The following TPRG1 variants were observed in gnomAD, a reference collection of about 807,000 sequenced individuals.
TPRG1 encodes the protein tumor protein p63 regulated 1.
A neutral mutation model predicts 29.3 loss-of-function variants in TPRG1; 29 were observed. That is an observed-to-expected ratio of 0.99 (90% CI 0.74 to 1.35). The LOEUF is 1.35. TPRG1 is among the 40% of genes most tolerant of loss of function. The probability of loss-of-function intolerance (pLI) is 0.00; values close to 1 mark genes in which losing one functional copy is unlikely to be tolerated. For synonymous variants in TPRG1, 130 were observed against 116.8 expected, an observed-to-expected ratio of 1.11 and a Z score of -0.73; for missense variants, 327 against 335.0, an observed-to-expected ratio of 0.98 and a Z score of 0.19.
intron 4 of TPRG1, among the ~76,000 whole-genome samples, chr3:189,078,043 C>CCTTCCTTCCTT (rs1717301982): frequency 6.7e-6 from 1 of 149,918 alleles, no homozygotes; most frequent in Non-Finnish European, 1.5e-5. Context: ...TTCCTTCCTT[C>CCTTCCTTCCTT]CTTCCTTCCT....
At chr3:189,127,670 T>A (rs544778799) in intron 2 of TPRG1, among the ~76,000 whole-genome samples, 19 of 152,302 alleles carry the variant, frequency 1.2e-4, no homozygotes, top group Non-Finnish European at 1.6e-4. Context: ...TATAGCAATG[T>A]GGAGATTCAG....
chr3:189,143,516 A>G (rs1266516347), intron 3 of TPRG1, among the ~76,000 whole-genome samples: 1 of 152,218 alleles, frequency 6.6e-6, no homozygotes, highest in Non-Finnish European at 1.5e-5. Flanking sequence ...TGGCTCTGTC[A>G]TACAAAAGCT....
chr3:189,285,649 C>T (rs1376783175), intron 4 of TPRG1, among the ~76,000 whole-genome samples: 2 of 152,186 alleles, frequency 1.3e-5, no homozygotes, highest in East Asian at 3.9e-4. Context: ...ATCAATATTA[C>T]AGACATTGTA....
chr3:189,159,233 A>T (rs1254692032), intron 5 of TPRG1, among the ~76,000 whole-genome samples: 1 of 152,186 alleles, frequency 6.6e-6, no homozygotes, highest in Non-Finnish European at 1.5e-5. Flanking sequence ...AAAAAAAGAC[A>T]GTTATTTTTT....
chr3:189,276,671 T>C (rs1375151320), intron 4 of TPRG1, among the ~76,000 whole-genome samples: 2 of 152,162 alleles, frequency 1.3e-5, no homozygotes, highest in Admixed American at 6.5e-5. Flanking sequence ...AATCATAAAG[T>C]GTAAAAACAA....
chr3:189,182,417 T>C (rs1219562347), intron 1 of TPRG1, among the ~76,000 whole-genome samples: 1 of 152,178 alleles, frequency 6.6e-6, no homozygotes, highest in Non-Finnish European at 1.5e-5. Flanking sequence ...AAAACAAATA[T>C]CTGACTAACA....
intron 3 of TPRG1, chr3:189,023,727 AC>A (rs1362287077): frequency 6.5e-6 from 1 of 152,728 alleles, no homozygotes; most frequent in African/African-American, 2.4e-5. Flanking sequence ...TTTTCTTTTA[AC>A]AGTCTGGCCA....
At chr3:189,274,735 C>T (rs1576925372) in intron 4 of TPRG1, among the ~76,000 whole-genome samples, 1 of 152,100 alleles carries the variant, frequency 6.6e-6, no homozygotes, top group African/African-American at 2.4e-5. Flanking sequence ...AGGCTTGTCC[C>T]TCAACTTGGA....
rs535044583 is a variant in TPRG1 at position 189,156,736 on chromosome 3, A to G, written c.-10+5864A>G. On this transcript the variant is annotated intron_variant, in intron 5 of 6. Coordinates refer to the TPRG1 transcript ENST00000412373. ...ACCCTCTTTGCAGCCTCTATCTATC[A>G]GTATTTCCTCGTTGTTCTTTGATGG... Among the ~76,000 whole-genome samples the G allele has an allele frequency of 4.6e-5, 7 of 152,304 alleles. No individual in the cohort carries two copies. The East Asian group carries it at 1.2e-3, about 25-fold the overall frequency.
chr3:189,248,012 G>C (rs1319063277), intron 4 of TPRG1, among the ~76,000 whole-genome samples: 1 of 151,332 alleles, frequency 6.6e-6, no homozygotes, highest in African/African-American at 2.4e-5. Flanking sequence ...TTCAATGTTA[G>C]ATAATTTTCT....
chr3:189,165,143 C>T (rs1382727391), intron 5 of TPRG1, among the ~76,000 whole-genome samples: 1 of 152,072 alleles, frequency 6.6e-6, no homozygotes, highest in African/African-American at 2.4e-5. Context: ...GGTAATGAAA[C>T]TTTGAGTTTA....
Position 189,082,690 on chromosome 3 carries a change from C to A in TPRG1, c.-462-44367C>A, listed in dbSNP as rs181136293. Among the ~76,000 whole-genome samples, 207 of 152,238 alleles carry A rather than the reference C, an allele frequency of 1.4e-3. 1 individual carries two copies. The highest frequency in any genetic ancestry group is 6.8e-3 in the Middle Eastern group (2 of 294). On this transcript the variant is annotated intron_variant, in intron 4 of 10. Coordinates refer to the TPRG1 transcript ENST00000433971. ...ATTCTGTTTCAAACTTTACAATTTACCTTGAATTTCTCGAGCTCAGAAGGT... is the reference window on the plus strand; with the variant it reads ...ATTCTGTTTCAAACTTTACAATTTAACTTGAATTTCTCGAGCTCAGAAGGT...
intron 2 of TPRG1, among the ~76,000 whole-genome samples, chr3:189,127,432 A>G (rs1228228884): frequency 6.6e-6 from 1 of 152,206 alleles, no homozygotes; most frequent in Non-Finnish European, 1.5e-5. Flanking sequence ...CTATTGACAC[A>G]AGTTAAAATT....
chr3:189,259,113 A>G (rs564066778), intron 4 of TPRG1, among the ~76,000 whole-genome samples: 9 of 152,240 alleles, frequency 5.9e-5, no homozygotes, highest in African/African-American at 1.7e-4. Context: ...CTTGAAACCC[A>G]GGGCTCTGGT....
At chr3:189,188,330 A>G (rs193023812) in intron 1 of TPRG1, among the ~76,000 whole-genome samples, 4 of 152,276 alleles carry the variant, frequency 2.6e-5, no homozygotes, top group Admixed American at 1.3e-4. Context: ...TATGACTTCT[A>G]GCCCATTTGG....
Position 189,206,808 on chromosome 3 carries a change from C to CGTGTGT in TPRG1, c.-9-552_-9-547dup, listed in dbSNP as rs142505576. On this transcript the variant is annotated intron_variant, in intron 1 of 5. Coordinates refer to ENST00000345063, the MANE Select transcript of TPRG1 (RefSeq NM_198485.4). ...GAGTCACCATGCCCAGCTGAACAAC[C>CGTGTGT]GTGTGTGTGTGTGTGTGTGTGCACG... is the stretch of plus-strand genomic sequence containing the variant. 3.7e-3 allele frequency among the ~76,000 whole-genome samples: 551 copies of CGTGTGT among 147,710 alleles called. 3 individuals carry two copies. The highest frequency in any genetic ancestry group is 0.01 in the Middle Eastern group (3 of 288).
At chr3:189,065,644 T>C (rs1716389963) in intron 4 of TPRG1, among the ~76,000 whole-genome samples, 1 of 152,142 alleles carries the variant, frequency 6.6e-6, no homozygotes, top group Non-Finnish European at 1.5e-5. Flanking sequence ...TTTAGCAAGT[T>C]ATAAATAGGA....
At chr3:189,186,927 C>T (rs532642979) in intron 1 of TPRG1, among the ~76,000 whole-genome samples, 1 of 150,074 alleles carries the variant, frequency 6.7e-6, no homozygotes, top group African/African-American at 2.5e-5. Context: ...AGACTTCAAA[C>T]TGTTTTGAAA....
At chr3:189,225,056 C>A (rs578102691) in intron 3 of TPRG1, among the ~76,000 whole-genome samples, 1 of 151,988 alleles carries the variant, frequency 6.6e-6, no homozygotes, top group South Asian at 2.1e-4. Context: ...CTCAGCCTCC[C>A]AAGTAGCTGG....
Sources: gnomAD v4.1 joint callset for allele counts (sites outside exome capture counted in the v4.1 genomes callset) on GRCh38, gnomAD v4.1.1 for gene constraint, MANE v1.5 for transcripts, NCBI Gene and HGNC (gene_info 2026-07-23, HGNC 2026-07-21) for gene names.